AMPD2: variants seen among roughly 807,000 people sequenced by gnomAD.
AMPD2 encodes AMP deaminase 2.
AMPD2 carries 52 observed loss-of-function variants against 91.3 expected under a neutral mutation model. That is an observed-to-expected ratio of 0.57 (90% CI 0.46 to 0.72). The LOEUF is 0.72. Ranked by LOEUF, AMPD2 falls within the 30% of genes least tolerant of loss-of-function variation. AMPD2 has a pLI of 0.00. For synonymous variants in AMPD2, 455 were observed against 456.4 expected (o/e 1.00, Z 0.04); for missense variants, 822 against 1,122.3 (o/e 0.73, Z 3.82).
rs202115880 is a variant in AMPD2, at chr1:109,625,308, C to T, written c.97C>T (p.Arg33Trp). The T allele has an allele frequency of 6.8e-6, 11 of 1,612,982 alleles. No individual in the cohort carries two copies. Among genetic ancestry groups the T allele is most frequent in the East Asian group, 4.5e-5 (2 of 44,862 alleles). The change falls in exon 3 of 19, where the codon CGG (arginine) becomes TGG (tryptophan). Residue 33 changes from arginine to tryptophan, a missense_variant. Arg to Trp is a moderately radical substitution (Grantham distance 101). Transcript: ENST00000528667. This position sits in a 1 kb window ranked among gnomAD's most constrained non-coding sequence, Gnocchi z 4.0. ...TGGCATCACTGTCTCTGCAGAGGCT[C>T]GGGGTGGTCTGGGGGCCCCTCCGCT... is the stretch of plus-strand genomic sequence containing the variant. ...LQASTAAPEA[R>W]GGLGAPPLQS...
In AMPD2 at chr1:109,628,163, C is replaced by A. The variant is rs1406115502; in HGVS notation, c.1161C>A (p.His387Gln). ...TCATCAAGCGGGCAATGAAGCGGCA[C>A]CTGGAGGAGATCGTGCACGTGGAGC... ...LRFIKRAMKR[H>Q]LEEIVHVEQG... The change falls in exon 11 of 19, where the codon CAC becomes CAA. Residue 387 changes from histidine (H) to glutamine (Q), a missense_variant. Physicochemically the swap from His to Gln is conservative, Grantham distance 24. Around this residue, in one of 5 missense-constraint regions of AMPD2, gnomAD observed 430 missense variants for 606.0 expected, o/e 0.71. Coordinates refer to ENST00000528667, the MANE Select transcript of AMPD2 (RefSeq NM_001368809.2). The surrounding 1 kb of genome is among the most constrained non-coding windows in gnomAD (Gnocchi z 7.1). The A allele has an allele frequency of 6.2e-7, 1 of 1,613,982 alleles. No individual in the cohort carries two copies. Among genetic ancestry groups the A allele is most frequent in the Non-Finnish European group, 8.5e-7 (1 of 1,180,056 alleles).
Position 109,626,730 on chromosome 1 carries a change from C to T in AMPD2, c.536C>T (p.Pro179Leu), listed in dbSNP as rs567095077. ...ATCGCATATCCTCATCTCCAGGTGC[C>T]GTTCACAGACCTGCTGGATGCAGCC... The part of the protein sequence containing the change: ...TISGEEKCGV[P>L]FTDLLDAAKS... The change falls in exon 7 of 19, where the codon CCG becomes CTG. Residue 179 changes from proline (P) to leucine (L), a missense_variant. This residue lies in a region of AMPD2 where 240 missense variants were observed against 270.3 expected (regional missense o/e 0.89). Coordinates refer to ENST00000528667, the MANE Select transcript of AMPD2 (RefSeq NM_001368809.2). The T allele has an allele frequency of 5.0e-6, 8 of 1,612,290 alleles. No individual in the cohort carries two copies. The highest frequency in any genetic ancestry group is 1.7e-4 in the Middle Eastern group (1 of 6,042).
Position 109,628,953 on chromosome 1 carries a change from G to T in AMPD2, c.1571+147G>T. On this transcript the variant is annotated intron_variant, in intron 13 of 18. Transcript: ENST00000528667. This position sits in a 1 kb window ranked among gnomAD's most constrained non-coding sequence, Gnocchi z 7.1. ...GAAGGGCTTCCTGGTCCCATCCATG[G>T]TCTGTCCAGCCTGGCCCACCTGGGT... 1.4e-6 allele frequency: 2 copies of T among 1,433,686 alleles called. 1 individual carries two copies. Among genetic ancestry groups the T allele is most frequent in the South Asian group, 2.8e-5 (2 of 72,234 alleles). The allele number at this position is 1,433,686 out of a possible 1,614,324, so 88.8% of individuals were successfully genotyped here.
chr1:109,630,633 AG>A, intron 17 of AMPD2, 49 bp from the exon 18 acceptor site: 1 of 1,516,816 alleles, frequency 6.6e-7, no homozygotes. Flanking sequence ...GAAGGGAGGC[AG>A]GGGCAGCTGG....
Position 109,625,591 on chromosome 1 carries a change from TC to T in AMPD2, c.223-67del. ...CCCTGGTCCTGCTGCCCTCACCCCA[TC>T]CCCAGACTCTGTAGGAGAGTGCCCG... On this transcript the variant is annotated intron_variant, in intron 3 of 18. Transcript: ENST00000528667. This position sits in a 1 kb window ranked among gnomAD's most constrained non-coding sequence, Gnocchi z 4.0. 6.2e-7 allele frequency: 1 copy of T among 1,600,974 alleles called. No individual in the cohort carries two copies. The highest frequency in any genetic ancestry group is 8.5e-7 in the Non-Finnish European group (1 of 1,170,352).
At chr1:109,629,669 T>C in intron 15 of AMPD2, 127 bp from the exon 16 acceptor site, 1 of 1,461,302 alleles carries the variant, frequency 6.8e-7, no homozygotes, top group East Asian at 2.3e-5. Context: ...TCTACCCCTG[T>C]CCCCCTTATC....
At position 109,631,950 on chromosome 1, in the gene AMPD2, G is replaced by C. The variant is rs1334172315; in HGVS notation, c.*798G>C. 6.5e-6 allele frequency: 1 copy of C among 153,206 alleles called. No homozygotes were observed. The highest frequency in any genetic ancestry group is 6.5e-5 in the Admixed American group (1 of 15,302). The allele number at this position is 153,206 out of a possible 1,614,324, so 9.5% of individuals were successfully genotyped here. ...CTTTGACCAGATTGTGATCCCAGCT[G>C]GCCCCTATGTTGTGTTCTGGACTGA... On this transcript the variant is annotated 3_prime_UTR_variant, in exon 19 of 19. Transcript: ENST00000528667.
rs1226864794 is a variant in AMPD2, at chr1:109,628,284, G to A, written c.1275+7G>A. 1.9e-6 allele frequency: 3 copies of A among 1,613,084 alleles called. No individual in the cohort carries two copies. Among genetic ancestry groups the A allele is most frequent in the South Asian group, 1.1e-5 (1 of 91,056 alleles). On this transcript the variant is annotated splice_region_variant and intron_variant, in intron 11 of 18. Coordinates refer to ENST00000528667, the MANE Select transcript of AMPD2 (RefSeq NM_001368809.2). This position sits in a 1 kb window ranked among gnomAD's most constrained non-coding sequence, Gnocchi z 7.1. ...CACGCTGGATGTGCATGCGGTCTGT[G>A]CCAGTGGCGTGGGCTGTGGGACTGA...
intron 2 of AMPD2, 64 bp downstream of exon 2, chr1:109,621,330 G>A (rs770566166): frequency 1.3e-6 from 2 of 1,572,098 alleles, no homozygotes; most frequent in East Asian, 4.6e-5. Context: ...TCTCGCCCAA[G>A]GTGCTGGTCC....
chr1:109,621,536 C>T, intron 2 of AMPD2: 1 of 579,904 alleles, frequency 1.7e-6, no homozygotes, highest in African/African-American at 1.9e-5. Context: ...GGTGTGTATG[C>T]ACACGTGTCA....
rs901963579 is a variant in AMPD2, at chr1:109,624,101, G to A, written c.92-1202G>A. ...CCTGCACTCTGCAGGTAGGGTTCAG[G>A]CAGGGGCCGGGGTGCGCAGGGGACG... On this transcript the variant is annotated intron_variant, in intron 2 of 18. Coordinates refer to ENST00000528667, the MANE Select transcript of AMPD2 (RefSeq NM_001368809.2). This position sits in a 1 kb window ranked among gnomAD's most constrained non-coding sequence, Gnocchi z 5.2. 1.4e-5 allele frequency: 14 copies of A among 985,342 alleles called. No individual in the cohort carries two copies. In the African/African-American group the frequency reaches 2.4e-4, roughly 17 times the overall value. The allele number at this position is 985,342 out of a possible 1,614,324, so 61.0% of individuals were successfully genotyped here.
intron 2 of AMPD2, 24 bp downstream of exon 2, chr1:109,621,290 A>C (rs1650232937): frequency 6.2e-7 from 1 of 1,609,918 alleles, no homozygotes; most frequent in Non-Finnish European, 8.5e-7. Flanking sequence ...TCCTGGCCTC[A>C]GGATAGATGC....
rs373907200 is a variant in AMPD2, at chr1:109,628,848, T to A, written c.1571+42T>A. 53 of 1,537,340 alleles carry A rather than the reference T, an allele frequency of 3.4e-5. No individual in the cohort carries two copies. In the African/African-American group the frequency reaches 6.0e-4, roughly 17 times the overall value. On this transcript the variant is annotated intron_variant, in intron 13 of 18. Transcript: ENST00000528667. This position sits in a 1 kb window ranked among gnomAD's most constrained non-coding sequence, Gnocchi z 7.1. ...TGGGAGGGGAACCTGCGGGGTCATA[T>A]TCAAGGGGTCAGGGCCTGCCTCCTG...
intron 9 of AMPD2, 114 bp downstream of exon 9, chr1:109,627,632 C>T: frequency 5.9e-6 from 9 of 1,517,406 alleles, no homozygotes; most frequent in Non-Finnish European, 8.2e-6. Context: ...GTTGCTGAGC[C>T]CTCGACTTCC....
rs762291686 is a variant in AMPD2 at position 109,628,750 on chromosome 1, C to T, written c.1515C>T (p.Val505=). ...GGGACAAGCTGGCGCGCTGGGCCGT[C>T]ATGCACCGCGTGCACTCCCCCAACG... ...DEWDKLARWA[V]MHRVHSPNVR... Residue 505 remains valine, a synonymous_variant, in exon 13 of 19, where the codon GTC becomes GTT. Coordinates refer to ENST00000528667, the MANE Select transcript of AMPD2 (RefSeq NM_001368809.2). This position sits in a 1 kb window ranked among gnomAD's most constrained non-coding sequence, Gnocchi z 7.1. The T allele has an allele frequency of 1.3e-6, 2 of 1,597,110 alleles. No homozygotes were observed. Among genetic ancestry groups the T allele is most frequent in the Non-Finnish European group, 1.7e-6 (2 of 1,171,264 alleles).
At chr1:109,620,495 G>C (rs887465110) in intron 1 of AMPD2, 2 of 1,201,306 alleles carry the variant, frequency 1.7e-6, no homozygotes, top group South Asian at 3.9e-5. Flanking sequence ...AGACAAGGGG[G>C]TCTCCTGGCC....
In AMPD2 at chr1:109,628,586, C is replaced by G. The variant is rs1650927023; in HGVS notation, c.1408-57C>G. On this transcript the variant is annotated intron_variant, in intron 12 of 18. Coordinates refer to ENST00000528667, the MANE Select transcript of AMPD2 (RefSeq NM_001368809.2). The surrounding 1 kb of genome is among the most constrained non-coding windows in gnomAD (Gnocchi z 7.1). Reference sequence around the variant, plus strand: ...CTCAAGGAGGGTAGGCAGATGACCCCCTGAAGAGCTCTGACTCAGCTCACC... The same window carrying G: ...CTCAAGGAGGGTAGGCAGATGACCCGCTGAAGAGCTCTGACTCAGCTCACC... The G allele has an allele frequency of 6.2e-7, 1 of 1,610,672 alleles. No individual in the cohort carries two copies. The highest frequency in any genetic ancestry group is 8.5e-7 in the Non-Finnish European group (1 of 1,177,828).
chr1:109,621,548 C>T (rs1650276823), intron 2 of AMPD2: 3 of 559,236 alleles, frequency 5.4e-6, no homozygotes, highest in Admixed American at 2.9e-5. Flanking sequence ...CACGTGTCAG[C>T]GTGTGCATGT....
At position 109,628,557 on chromosome 1, in the gene AMPD2, G is replaced by A; in HGVS notation, c.1407+62G>A. The A allele has an allele frequency of 2.5e-6, 4 of 1,611,992 alleles. No homozygotes were observed. The Middle Eastern group carries it at 5.0e-4, about 200-fold the overall frequency. On this transcript the variant is annotated intron_variant, in intron 12 of 18. Transcript: ENST00000528667. This position sits in a 1 kb window ranked among gnomAD's most constrained non-coding sequence, Gnocchi z 7.1. ...GAGGATCTGGGGGCTTTTAGGGGGT[G>A]AGACTCAAGGAGGGTAGGCAGATGA...
Sources: allele counts gnomAD v4.1 joint callset, GRCh38; gene constraint gnomAD v4.1.1; regional missense constraint gnomAD v4.1.1; non-coding constraint Gnocchi (gnomAD v3.1); transcripts MANE v1.5; gene names NCBI Gene and HGNC (gene_info 2026-07-23, HGNC 2026-07-21).